LCLAT1: variants seen among roughly 807,000 people sequenced by gnomAD.
LCLAT1 encodes the protein lysocardiolipin acyltransferase 1.
Under a neutral mutation model 30.7 loss-of-function variants are expected in LCLAT1, and 11 were observed. The ratio of observed to expected loss-of-function variants is 0.36; its 90% confidence interval spans 0.23 to 0.59. The LOEUF (loss-of-function observed/expected upper bound fraction) is 0.59, where lower values mean the gene tolerates loss of function less well. LCLAT1 is among the 20% of genes least tolerant of loss of function. The probability of loss-of-function intolerance (pLI) is 0.77; values close to 1 mark genes in which losing one functional copy is unlikely to be tolerated. For missense variants in LCLAT1, 402 were observed against 458.6 expected, an observed-to-expected ratio of 0.88 and a Z score of 1.13; for synonymous variants, 155 against 151.3, an observed-to-expected ratio of 1.02 and a Z score of -0.18.
At chr2:30,624,546 G>C (rs961608403) in intron 5 of LCLAT1, among the ~76,000 whole-genome samples, 1 of 152,126 alleles carries the variant, frequency 6.6e-6, no homozygotes, top group Non-Finnish European at 1.5e-5. Flanking sequence ...ATGACAAAAG[G>C]ACTGGTCCAA....
At chr2:30,488,564 C>T (rs941002852) in intron 1 of LCLAT1, among the ~76,000 whole-genome samples, 3 of 152,206 alleles carry the variant, frequency 2.0e-5, no homozygotes, top group African/African-American at 7.2e-5. Flanking sequence ...CTAGCTCTTG[C>T]TTTTTCAGAT....
chr2:30,495,413 A>G (rs1369389905), intron 1 of LCLAT1, among the ~76,000 whole-genome samples: 3 of 152,168 alleles, frequency 2.0e-5, no homozygotes, highest in Non-Finnish European at 4.4e-5. Context: ...GTGTCCTGAA[A>G]TGAAATTCCT....
intron 3 of LCLAT1, among the ~76,000 whole-genome samples, chr2:30,558,383 T>G (rs1368844608): frequency 1.3e-5 from 2 of 152,084 alleles, no homozygotes; most frequent in African/African-American, 4.8e-5. Context: ...GTGGATCACC[T>G]GAGGTCAGGA....
At chr2:30,475,826 A>T (rs748195717) in intron 1 of LCLAT1, among the ~76,000 whole-genome samples, 4 of 152,230 alleles carry the variant, frequency 2.6e-5, no homozygotes, top group Non-Finnish European at 5.9e-5. Flanking sequence ...ATCTCAAGGA[A>T]CATTCTAATA....
At chr2:30,470,454 G>A (rs890336111) in intron 1 of LCLAT1, among the ~76,000 whole-genome samples, 3 of 152,170 alleles carry the variant, frequency 2.0e-5, no homozygotes, top group African/African-American at 7.2e-5. Flanking sequence ...TCTAAACAAG[G>A]AGGGGGTTAG....
At chr2:30,548,658 A>T (rs776514709) in intron 3 of LCLAT1, among the ~76,000 whole-genome samples, 3 of 152,160 alleles carry the variant, frequency 2.0e-5, no homozygotes, top group East Asian at 3.8e-4. Context: ...TTAGCTGATT[A>T]TCTCCTAGAT....
intron 3 of LCLAT1, among the ~76,000 whole-genome samples, chr2:30,561,707 A>G (rs1422844264): frequency 6.6e-6 from 1 of 152,190 alleles, no homozygotes; most frequent in Non-Finnish European, 1.5e-5. Context: ...CAGAAGGGAA[A>G]TATTAAAGAG....
At chr2:30,594,505 G>T (rs1442109426) in intron 5 of LCLAT1, among the ~76,000 whole-genome samples, 1 of 152,036 alleles carries the variant, frequency 6.6e-6, no homozygotes, top group Non-Finnish European at 1.5e-5. Context: ...TTCTTAATTT[G>T]CATCAAGTTT....
intron 4 of LCLAT1, among the ~76,000 whole-genome samples, chr2:30,564,328 A>G (rs1230947233): frequency 2.0e-5 from 3 of 152,188 alleles, no homozygotes; most frequent in Non-Finnish European, 4.4e-5. Flanking sequence ...TTTGGTAAAT[A>G]AAAACTAATG....
At chr2:30,525,461 A>C in intron 1 of LCLAT1, 126 bp from the exon 2 acceptor site, 1 of 723,728 alleles carries the variant, frequency 1.4e-6, no homozygotes, top group East Asian at 2.6e-5. Flanking sequence ...TCAGACTCTT[A>C]TATTGTTTCT....
chr2:30,518,326 T>C (rs1252644), intron 1 of LCLAT1, among the ~76,000 whole-genome samples: 88,693 of 151,930 alleles, frequency 0.58, 27,144 homozygotes, highest in Non-Finnish European at 0.68. Context: ...TCCCGGGTGA[T>C]TGAGGGAAAA....
intron 1 of LCLAT1, among the ~76,000 whole-genome samples, chr2:30,469,540 C>G (rs1000732769): frequency 6.9e-6 from 1 of 145,514 alleles, no homozygotes; most frequent in African/African-American, 2.6e-5. Flanking sequence ...GGTCATAATT[C>G]TGGACTCTCA....
In LCLAT1 at chr2:30,625,282, A is replaced by G. The variant is rs182568171; in HGVS notation, c.629-14835A>G. 3.5e-3 allele frequency among the ~76,000 whole-genome samples: 534 copies of G among 152,318 alleles called. 3 individuals carry two copies. Among genetic ancestry groups the G allele is most frequent in the African/African-American group, 0.012 (518 of 41,578 alleles). On this transcript the variant is annotated intron_variant, in intron 5 of 5. Transcript: ENST00000379509. ...GAAACAACACAAAATACAAAAGATA[A>G]ATGAAACAAAAAGCTGGCTGTTTGC...
At chr2:30,537,521 TACACACACACAC>T (rs58394759) in intron 3 of LCLAT1, among the ~76,000 whole-genome samples, 1 of 149,106 alleles carries the variant, frequency 6.7e-6, no homozygotes, top group South Asian at 2.1e-4. Context: ...CAATTGTAAA[TACACACACACAC>T]ACACACACAC....
At chr2:30,549,312 C>A (rs371250810) in intron 3 of LCLAT1, among the ~76,000 whole-genome samples, 42 of 152,198 alleles carry the variant, frequency 2.8e-4, no homozygotes, top group East Asian at 1.7e-3. Context: ...ATTTACATTG[C>A]GTTAGGCTGC....
intron 5 of LCLAT1, among the ~76,000 whole-genome samples, chr2:30,575,028 G>A (rs1239959880): frequency 1.3e-5 from 2 of 152,082 alleles, no homozygotes; most frequent in East Asian, 3.9e-4. Flanking sequence ...CTTGTTTATT[G>A]CTGTGACTTC....
intron 1 of LCLAT1, among the ~76,000 whole-genome samples, chr2:30,452,593 T>A (rs186478231): frequency 9.2e-5 from 14 of 152,340 alleles, no homozygotes; most frequent in Non-Finnish European, 8.8e-5. Flanking sequence ...TGATATTTTA[T>A]GAACATAATA....
intron 1 of LCLAT1, among the ~76,000 whole-genome samples, chr2:30,503,347 T>C (rs1684489964): frequency 6.6e-6 from 1 of 152,208 alleles, no homozygotes; most frequent in African/African-American, 2.4e-5. Context: ...TGAACATTTA[T>C]GTGCCTGTTT....
rs1558514442 is a variant in LCLAT1 at position 30,552,574 on chromosome 2, TCA to T, written c.365-9571_365-9570del. On this transcript the variant is annotated intron_variant, in intron 3 of 5. Transcript: ENST00000379509. Reference sequence around the variant, plus strand: ...AAAAATGTCATAAAATTACCTGTCATCAGAGTTTTTAAAAGCCTTCGTGGAAA... The same window carrying T: ...AAAAATGTCATAAAATTACCTGTCATGAGTTTTTAAAAGCCTTCGTGGAAA... The T allele has an allele frequency of 6.7e-6, 3 of 446,572 alleles. No homozygotes were observed. In the Admixed American group the frequency reaches 7.2e-5, roughly 11 times the overall value. The allele number at this position is 446,572 out of a possible 1,614,324, so 27.7% of individuals were successfully genotyped here. A position where few individuals can be genotyped will look rare whatever the true frequency, so the allele number is the denominator to read the frequency against.
Sources: gnomAD v4.1 joint callset for allele counts (sites outside exome capture counted in the v4.1 genomes callset) on GRCh38, gnomAD v4.1.1 for gene constraint, MANE v1.5 for transcripts, NCBI Gene and HGNC (gene_info 2026-07-23, HGNC 2026-07-21) for gene names.